TMEM135: variants seen among roughly 807,000 people sequenced by gnomAD.
TMEM135 encodes the protein peroxisomal membrane protein 52.
A neutral mutation model predicts 60.3 loss-of-function variants in TMEM135; 30 were observed. The observed-to-expected ratio is 0.50, with a 90% CI of 0.37 to 0.68. The LOEUF is 0.68. TMEM135 is among the 30% of genes least tolerant of loss of function. The probability of loss-of-function intolerance (pLI) is 0.00; values close to 1 mark genes in which losing one functional copy is unlikely to be tolerated. For synonymous variants in TMEM135, 190 were observed against 186.7 expected (o/e 1.02, Z -0.14); for missense variants, 468 against 548.8 (o/e 0.85, Z 1.47).
At chr11:87,160,193 C>T (rs1938833017) in intron 5 of TMEM135, among the ~76,000 whole-genome samples, 1 of 152,152 alleles carries the variant, frequency 6.6e-6, no homozygotes, top group African/African-American at 2.4e-5. Context: ...TTCCTCCTCC[C>T]TGTTCTGGCT....
At chr11:87,096,921 T>A (rs1857343368) in intron 4 of TMEM135, among the ~76,000 whole-genome samples, 1 of 152,172 alleles carries the variant, frequency 6.6e-6, no homozygotes, top group African/African-American at 2.4e-5. Flanking sequence ...TATATCATTA[T>A]GGCCTCTGGT....
intron 4 of TMEM135, among the ~76,000 whole-genome samples, chr11:87,150,828 C>G (rs1037447830): frequency 1.3e-5 from 2 of 152,012 alleles, no homozygotes; most frequent in Admixed American, 1.3e-4. Context: ...CCGTTTACCT[C>G]TGTAATTTGT....
At chr11:87,309,735 G>C (rs1942610261) in intron 10 of TMEM135, 63 bp downstream of exon 10, 1 of 1,551,050 alleles carries the variant, frequency 6.4e-7, no homozygotes, top group Admixed American at 1.7e-5. Context: ...GTTAGAATGA[G>C]AGATGGCCTT....
At chr11:87,249,568 T>C (rs886915184) in intron 6 of TMEM135, among the ~76,000 whole-genome samples, 3 of 152,154 alleles carry the variant, frequency 2.0e-5, no homozygotes, top group African/African-American at 7.2e-5. Flanking sequence ...TTTTCTGTTT[T>C]TTTGATGTGC....
In TMEM135 at chr11:87,326,583, CAT is replaced by C. The variant is rs1565175296; in HGVS notation, c.*5253_*5254del. The C allele has an allele frequency of 8.8e-6, 4 of 454,082 alleles. No individual in the cohort carries two copies. The Admixed American group carries it at 9.4e-5, about 11-fold the overall frequency. The allele number at this position is 454,082 out of a possible 1,614,324, so 28.1% of individuals were successfully genotyped here. On this transcript the variant is annotated 3_prime_UTR_variant, in exon 15 of 15. Transcript: ENST00000305494. ...GGAATGGGAGAGAAGAGACTATAAACATATTTTAAGCCTTATCTCTTTTCTCC... is the reference window on the plus strand; with the variant it reads ...GGAATGGGAGAGAAGAGACTATAAACATTTTAAGCCTTATCTCTTTTCTCC...
intron 3 of TMEM135, among the ~76,000 whole-genome samples, chr11:87,087,057 G>C (rs1259278765): frequency 6.6e-6 from 1 of 152,162 alleles, no homozygotes; most frequent in Non-Finnish European, 1.5e-5. Flanking sequence ...CCCAGTAAAA[G>C]GGAGCCATCA....
At chr11:87,054,063 A>G (rs1052455296) in intron 1 of TMEM135, among the ~76,000 whole-genome samples, 1 of 152,252 alleles carries the variant, frequency 6.6e-6, no homozygotes, top group Admixed American at 6.5e-5. Context: ...TGTCTTCCTC[A>G]TAATTATACT....
intron 4 of TMEM135, among the ~76,000 whole-genome samples, chr11:87,138,162 C>A (rs556683788): frequency 1.8e-4 from 27 of 151,216 alleles, no homozygotes; most frequent in Middle Eastern, 3.4e-3. Flanking sequence ...ATGATCTCAG[C>A]CCACTGCAAC....
chr11:87,149,728 C>T (rs994324077), intron 4 of TMEM135, among the ~76,000 whole-genome samples: 6 of 152,158 alleles, frequency 3.9e-5, no homozygotes, highest in African/African-American at 1.4e-4. Context: ...AGCCACAAGT[C>T]AATCTCCTTC....
At chr11:87,126,003 C>T (rs2135223852) in intron 4 of TMEM135, among the ~76,000 whole-genome samples, 1 of 152,240 alleles carries the variant, frequency 6.6e-6, no homozygotes, top group East Asian at 1.9e-4. Context: ...CTGCCATTCT[C>T]ACTCACCCCT....
intron 10 of TMEM135, among the ~76,000 whole-genome samples, chr11:87,310,207 C>A (rs192607435): frequency 1.3e-5 from 2 of 152,222 alleles, no homozygotes; most frequent in East Asian, 3.9e-4. Context: ...TCACAGTCTT[C>A]CACCCCATTC....
chr11:87,317,232 A>G (rs1942748019), intron 12 of TMEM135, among the ~76,000 whole-genome samples: 1 of 152,104 alleles, frequency 6.6e-6, no homozygotes, highest in African/African-American at 2.4e-5. Context: ...CAGTTATTCT[A>G]TCTATTGGGA....
intron 4 of TMEM135, among the ~76,000 whole-genome samples, chr11:87,113,080 C>A (rs1857795058): frequency 6.6e-6 from 1 of 152,002 alleles, no homozygotes. Context: ...GAAAAAGTAT[C>A]TTATTTAGAA....
chr11:87,159,617 A>ACACACACACACACCCCCCCC (rs140303858), intron 5 of TMEM135, among the ~76,000 whole-genome samples: 149 of 149,434 alleles, frequency 1.0e-3, no homozygotes, highest in African/African-American at 3.4e-3. Flanking sequence ...ACACACACAC[A>ACACACACACACACCCCCCCC]CCATAGATTT....
intron 6 of TMEM135, among the ~76,000 whole-genome samples, chr11:87,245,862 A>G (rs2135384442): frequency 1.2e-5 from 1 of 80,670 alleles, no homozygotes; most frequent in East Asian, 2.2e-4. Context: ...TTTTAAGTTA[A>G]TATTGTTATG....
intron 1 of TMEM135, among the ~76,000 whole-genome samples, chr11:87,040,145 A>G (rs1241057000): frequency 3.9e-5 from 6 of 152,204 alleles, no homozygotes; most frequent in Non-Finnish European, 5.9e-5. Context: ...ATTTTATTTT[A>G]TATTAGTGAA....
intron 6 of TMEM135, among the ~76,000 whole-genome samples, chr11:87,251,371 G>A (rs191642619): frequency 3.9e-5 from 6 of 152,224 alleles, no homozygotes; most frequent in Admixed American, 6.5e-5. Flanking sequence ...GTGGCAAGAG[G>A]CATTATAAAT....
At chr11:87,067,060 G>T (rs1369544123) in intron 1 of TMEM135, among the ~76,000 whole-genome samples, 2 of 150,220 alleles carry the variant, frequency 1.3e-5, no homozygotes, top group African/African-American at 4.9e-5. Flanking sequence ...GATTACAGGT[G>T]TGAGCCACCG....
chr11:87,251,222 G>A (rs976228460), intron 6 of TMEM135, among the ~76,000 whole-genome samples: 12 of 152,052 alleles, frequency 7.9e-5, no homozygotes, highest in African/African-American at 2.9e-4. Flanking sequence ...GTAGATATTA[G>A]TTTAAACCAT....
Sources: allele counts gnomAD v4.1 joint callset (sites outside exome capture counted in the v4.1 genomes callset), GRCh38; gene constraint gnomAD v4.1.1; transcripts MANE v1.5; gene names NCBI Gene and HGNC (gene_info 2026-07-23, HGNC 2026-07-21).